The following PFKM variants were observed in gnomAD, a reference collection of about 807,000 sequenced individuals.
The protein encoded by PFKM is phosphofructokinase, muscle, also known as ATP-dependent 6-phosphofructokinase, muscle type.
A neutral mutation model predicts 95.5 loss-of-function variants in PFKM; 58 were observed. The ratio of observed to expected loss-of-function variants is 0.61; its 90% CI spans 0.49 to 0.76. The LOEUF (loss-of-function observed/expected upper bound fraction) is 0.76, where lower values mean the gene tolerates loss of function less well. PFKM is among the 30% of genes least tolerant of loss of function. The probability of loss-of-function intolerance (pLI) is 0.00; values close to 1 mark genes in which losing one functional copy is unlikely to be tolerated. For missense variants in PFKM, 678 were observed against 1,005.4 expected (o/e 0.67, Z 4.40); for synonymous variants, 336 against 357.2 (o/e 0.94, Z 0.67).
Position 48,145,758 on chromosome 12 carries a change from C to G in PFKM, c.*50C>G, listed in dbSNP as rs1250766239. 67 of 1,572,916 alleles carry G rather than the reference C, an allele frequency of 4.3e-5. No individual in the cohort carries two copies. The highest frequency in any genetic ancestry group is 5.9e-5 in the Non-Finnish European group (67 of 1,142,710). ...ATTACCTGATCATGGTCAGCTCACA[C>G]CCTAATAAGTCCACATCTTCTCAGT... is the stretch of plus-strand genomic sequence containing the variant. On this transcript the variant is annotated 3_prime_UTR_variant, in exon 23 of 23. Coordinates refer to ENST00000359794, the MANE Select transcript of PFKM (RefSeq NM_000289.6). This position sits in a 1 kb window ranked among gnomAD's most constrained non-coding sequence, Gnocchi z 4.3.
chr12:48,141,544 C>A, intron 15 of PFKM, 163 bp downstream of exon 15: 1 of 765,642 alleles, frequency 1.3e-6, no homozygotes, highest in Non-Finnish European at 2.3e-6. Flanking sequence ...ATCTCAACAT[C>A]TTTAGCAGCT....
chr12:48,139,243 C>G (rs889770267), intron 11 of PFKM, 42 bp from the exon 12 acceptor site: 5 of 1,510,574 alleles, frequency 3.3e-6, no homozygotes, highest in Non-Finnish European at 4.6e-6. Flanking sequence ...TGTGCAGAAT[C>G]CTGACCCTGG....
chr12:48,126,588 G>C (rs1271248354), intron 2 of PFKM, among the ~76,000 whole-genome samples: 2 of 152,080 alleles, frequency 1.3e-5, no homozygotes, highest in African/African-American at 4.8e-5. Flanking sequence ...GAAAACGTTC[G>C]GAGTCACTTG....
At chr12:48,123,493 A>G (rs1414727091) in intron 2 of PFKM, among the ~76,000 whole-genome samples, 3 of 152,028 alleles carry the variant, frequency 2.0e-5, no homozygotes, top group African/African-American at 4.8e-5. Context: ...AATTAGGTAT[A>G]TAGGAAACAC....
intron 3 of PFKM, among the ~76,000 whole-genome samples, chr12:48,109,848 C>T (rs1318636309): frequency 6.6e-6 from 1 of 152,216 alleles, no homozygotes. Flanking sequence ...TTCCCTTCCT[C>T]CTTCCCTCCT....
Position 48,144,040 on chromosome 12 carries a change from T to G in PFKM, c.1881-6T>G. On this transcript the variant is annotated splice_polypyrimidine_tract_variant and splice_region_variant and intron_variant, in intron 19 of 22. Transcript: ENST00000359794. The stretch of plus-strand genomic sequence containing the variant: ...GAGTCACAGGCTTTTGGTCTCCACC[T>G]GGCAGGAATGAAAAGTGCAATGAGA... 6.2e-7 allele frequency: 1 copy of G among 1,601,000 alleles called. No individual in the cohort carries two copies. Among genetic ancestry groups the G allele is most frequent in the South Asian group, 1.1e-5 (1 of 90,832 alleles).
chr12:48,129,210 CTTTTTTTTTT>C (rs778761447), intron 2 of PFKM, among the ~76,000 whole-genome samples: 5 of 21,978 alleles, frequency 2.3e-4, no homozygotes, highest in African/African-American at 3.0e-4. Flanking sequence ...AATTTTCTTT[CTTTTTTTTTT>C]TTTTTTTTTT....
exon 3 of PFKM, chr12:48,108,129 T>G: frequency 2.5e-6 from 4 of 1,599,052 alleles, no homozygotes; most frequent in Non-Finnish European, 3.4e-6. Context: ...AAGACAGACA[T>G]CTTGAAGAGT....
Position 48,145,379 on chromosome 12 carries a change from A to G in PFKM, c.2198+64A>G. ...GTAGTTTCAAGCTCTACTGTCCTCA[A>G]CCTGTTCACTGTCTTTAATTCTTTT... On this transcript the variant is annotated intron_variant, in intron 22 of 22. Coordinates refer to ENST00000359794, the MANE Select transcript of PFKM (RefSeq NM_000289.6). The surrounding 1 kb of genome is among the most constrained non-coding windows in gnomAD (Gnocchi z 4.3). The G allele has an allele frequency of 7.1e-7, 1 of 1,410,280 alleles. No individual in the cohort carries two copies. The allele number at this position is 1,410,280 out of a possible 1,614,324, so 87.4% of individuals were successfully genotyped here.
Position 48,139,274 on chromosome 12 carries a change from T to A in PFKM, c.1063-11T>A. ...CCTGGAGTTGAAACTGTCGCTGTGC[T>A]CCCCCCTCAGACCAAAGATGTGACC... is the stretch of plus-strand genomic sequence containing the variant. On this transcript the variant is annotated splice_polypyrimidine_tract_variant and intron_variant, in intron 11 of 22. Transcript: ENST00000359794. 1 of 1,610,842 alleles carries A rather than the reference T, an allele frequency of 6.2e-7. No individual in the cohort carries two copies. Among genetic ancestry groups the A allele is most frequent in the Non-Finnish European group, 8.5e-7 (1 of 1,177,734 alleles).
chr12:48,107,243 TTTTATA>T, intron 1 of PFKM: 2 of 675,202 alleles, frequency 3.0e-6, no homozygotes, highest in Non-Finnish European at 5.3e-6. Flanking sequence ...GTGCTGATAC[TTTTATA>T]TTATATTGTC....
rs1222283714 is a variant in PFKM at position 48,134,923 on chromosome 12, T to A, written c.748-20T>A. The A allele has an allele frequency of 6.2e-7, 1 of 1,608,586 alleles. No individual in the cohort carries two copies. Among genetic ancestry groups the A allele is most frequent in the African/African-American group, 1.3e-5 (1 of 74,836 alleles). ...ATCAGCTTCATTCCATGGACCATTT[T>A]ACCCTTTGTTCTCAACCAGACAAGG... On this transcript the variant is annotated intron_variant, in intron 8 of 22. Transcript: ENST00000359794.
Position 48,139,907 on chromosome 12 carries a change from T to A in PFKM, c.1186T>A (p.Ser396Thr). The change falls in exon 13 of 23, where the codon TCT becomes ACT. Residue 396 changes from serine to threonine, a missense_variant. By Grantham distance (58) the Ser-to-Thr change is moderately conservative. Transcript: ENST00000359794. ...TCTAGCTCATGTCAGACCCCCGGTATCTAAGGTACTGGCAAGTTGACTTGC... is the reference window on the plus strand; with the variant it reads ...TCTAGCTCATGTCAGACCCCCGGTAACTAAGGTACTGGCAAGTTGACTTGC... ...KLLAHVRPPVSKSGSHTVAVM... is the reference protein window; with the variant it reads ...KLLAHVRPPVTKSGSHTVAVM... 1 of 1,608,194 alleles carries A rather than the reference T, an allele frequency of 6.2e-7. No individual in the cohort carries two copies.
rs1203184320 is a variant in PFKM, at chr12:48,143,971, A to AG, written c.1881-73dup. The AG allele has an allele frequency of 2.0e-5, 24 of 1,212,592 alleles. No individual in the cohort carries two copies. In the East Asian group the frequency reaches 5.1e-4, roughly 26 times the overall value. 75.1% of individuals were successfully genotyped at this position (1,212,592 alleles called of 1,614,324 possible). On this transcript the variant is annotated intron_variant, in intron 19 of 22. Coordinates refer to ENST00000359794, the MANE Select transcript of PFKM (RefSeq NM_000289.6). Reference sequence around the variant, plus strand: ...ATCCTTGGAGGAGATAAAAATTGAAAGGAAAGAACAAAGGCAGAAATGGGG... The same window carrying AG: ...ATCCTTGGAGGAGATAAAAATTGAAAGGGAAAGAACAAAGGCAGAAATGGGG...
chr12:48,131,823 A>T (rs1056682031), intron 4 of PFKM: 12 of 359,898 alleles, frequency 3.3e-5, no homozygotes, highest in Non-Finnish European at 6.5e-5. Flanking sequence ...AGGAACTGAG[A>T]CAGCCTTTCG....
intron 2 of PFKM, among the ~76,000 whole-genome samples, chr12:48,126,715 T>C (rs893924984): frequency 1.3e-5 from 2 of 152,190 alleles, no homozygotes. Context: ...CAGAACAATT[T>C]TTTCCCTTAT....
intron 10 of PFKM, among the ~76,000 whole-genome samples, chr12:48,136,099 G>A (rs144488860): frequency 0.021 from 3,156 of 152,202 alleles, 120 homozygotes; most frequent in African/African-American, 0.07. Flanking sequence ...GTGTTAGCCA[G>A]GATGGTCTTG....
intron 18 of PFKM, among the ~76,000 whole-genome samples, chr12:48,143,261 G>A (rs956876539): frequency 3.3e-5 from 5 of 152,184 alleles, no homozygotes; most frequent in Non-Finnish European, 7.3e-5. Flanking sequence ...GTTTAGAGAG[G>A]TTAAAAAACT....
At chr12:48,125,621 CAAAA>C (rs562841214) in intron 2 of PFKM, 13 of 103,046 alleles carry the variant, frequency 1.3e-4, no homozygotes, top group South Asian at 9.5e-4. Context: ...AACTCTGTCT[CAAAA>C]AAAAAAAAAA....
Sources: gnomAD v4.1 joint callset for allele counts (sites outside exome capture counted in the v4.1 genomes callset) on GRCh38, gnomAD v4.1.1 for gene constraint, Gnocchi (gnomAD v3.1) non-coding constraint, MANE v1.5 for transcripts, NCBI Gene and HGNC (gene_info 2026-07-23, HGNC 2026-07-21) for gene names.